Variants in USP16 observed in about 807,000 individuals in gnomAD.
USP16 encodes ubiquitin specific peptidase 16.
USP16 carries 77 observed loss-of-function variants against 95.9 expected under a neutral mutation model. The observed-to-expected ratio is 0.80, with a 90% CI of 0.67 to 0.97. USP16 has a LOEUF of 0.97. USP16 is among the 50% of genes least tolerant of loss of function. The pLI is 0.00. For synonymous variants in USP16, 303 were observed against 318.2 expected, an observed-to-expected ratio of 0.95 and a Z score of 0.51; for missense variants, 943 against 959.9, an observed-to-expected ratio of 0.98 and a Z score of 0.23.
At chr21:29,042,187 AC>A (rs1268322612) in intron 11 of USP16, 83 bp downstream of exon 11, 17 of 1,243,010 alleles carry the variant, frequency 1.4e-5, no homozygotes, top group Non-Finnish European at 1.8e-5. Flanking sequence ...AGAAATCTCT[AC>A]CTTCATAGGA....
Position 29,037,399 on chromosome 21 carries a change from G to A in USP16, c.572G>A (p.Cys191Tyr). Residue 191 changes from cysteine to tyrosine, a missense_variant, in exon 6 of 18, where the codon TGC becomes TAC. Transcript: ENST00000399976. ...GAGAATCCTCCCATGAATTCTCCTT[G>A]CCAAATAACCGTGAAAGGACTCAGT... Reference protein sequence around the residue: ...AKENPPMNSPCQITVKGLSNL... With the variant: ...AKENPPMNSPYQITVKGLSNL... 1 of 1,609,474 alleles carries A rather than the reference G, an allele frequency of 6.2e-7. No individual in the cohort carries two copies. The highest frequency in any genetic ancestry group is 1.1e-5 in the South Asian group (1 of 89,446).
intron 4 of USP16, 34 bp downstream of exon 4, chr21:29,034,974 A>G (rs758242028): frequency 3.2e-6 from 5 of 1,555,864 alleles, no homozygotes; most frequent in Middle Eastern, 1.7e-4. Flanking sequence ...TTGGGTGGAA[A>G]TTATTTGAAA....
At chr21:29,035,540 AT>A (rs562723896) in intron 4 of USP16, among the ~76,000 whole-genome samples, 87 of 151,518 alleles carry the variant, frequency 5.7e-4, no homozygotes, top group African/African-American at 2.1e-3. Flanking sequence ...CGCCCGGCTA[AT>A]TTTTGTATTT....
chr21:29,039,391 G>A lies in USP16; in HGVS notation c.864-90G>A, dbSNP rs2085210745. On this transcript the variant is annotated intron_variant, in intron 8 of 17. Transcript: ENST00000399976. The stretch of plus-strand genomic sequence containing the variant: ...ATTTGTAGAAACCAGAACTCTCTGA[G>A]ATTTGGGATATGATCCTAAGATTTT... The A allele has an allele frequency of 2.1e-6, 3 of 1,398,672 alleles. No homozygotes were observed. The East Asian group carries it at 7.3e-5, about 34-fold the overall frequency. 86.6% of individuals were successfully genotyped at this position (1,398,672 alleles called of 1,614,324 possible).
chr21:29,039,277 C>A, intron 8 of USP16, 121 bp downstream of exon 8: 1 of 1,144,878 alleles, frequency 8.7e-7, no homozygotes, highest in Non-Finnish European at 1.1e-6. Context: ...CCTCTATATA[C>A]AAAAGGCATA....
chr21:29,050,062 A>G (rs1355395095), intron 15 of USP16, 30 bp from the exon 16 acceptor site: 1 of 1,589,272 alleles, frequency 6.3e-7, no homozygotes, highest in Non-Finnish European at 8.6e-7. Flanking sequence ...TTCCAAGAAA[A>G]GAAGTCAATC....
intron 13 of USP16, among the ~76,000 whole-genome samples, chr21:29,045,922 C>T (rs2085314988): frequency 6.6e-6 from 1 of 152,264 alleles, no homozygotes; most frequent in South Asian, 2.1e-4. Context: ...TTTCCTGCCT[C>T]AGCCTCCCGA....
At chr21:29,050,003 T>C in intron 15 of USP16, 89 bp from the exon 16 acceptor site, 1 of 1,108,188 alleles carries the variant, frequency 9.0e-7, no homozygotes, top group African/African-American at 1.6e-5. Context: ...AATGTTGATA[T>C]TCTTTTGGAC....
rs2085079756 is a variant in USP16, at chr21:29,031,718, CG to C, written c.240+946del. ...TCCCTCAAAGTGCTAGGAATACAGGCGTGAGCCACTGCGCCCAGCCAGGATT... is the reference window on the plus strand; with the variant it reads ...TCCCTCAAAGTGCTAGGAATACAGGCTGAGCCACTGCGCCCAGCCAGGATT... On this transcript the variant is annotated intron_variant, in intron 3 of 17. Transcript: ENST00000399976. Among the ~76,000 whole-genome samples the C allele has an allele frequency of 5.9e-5, 9 of 152,322 alleles. No homozygotes were observed. In the South Asian group the frequency reaches 1.9e-3, roughly 32 times the overall value.
At chr21:29,037,579 C>CTTTTTTTTTTTTTTTTTTTTTTTT (rs71189336) in intron 6 of USP16, 116 bp downstream of exon 6, 1 of 171,646 alleles carries the variant, frequency 5.8e-6, no homozygotes, top group African/African-American at 4.9e-5. Flanking sequence ...CCAAAGAAAA[C>CTTTTTTTTTTTTTTTTTTTTTTTT]TTTTTTTTTT....
chr21:29,025,759 C>A (rs1286333072), intron 1 of USP16: 8 of 981,094 alleles, frequency 8.2e-6, no homozygotes, highest in African/African-American at 3.5e-5. Flanking sequence ...TGTAATCATC[C>A]TTTATGCCTC....
chr21:29,026,858 T>C (rs2085000039), intron 1 of USP16, among the ~76,000 whole-genome samples: 1 of 152,142 alleles, frequency 6.6e-6, no homozygotes, highest in Non-Finnish European at 1.5e-5. Context: ...TAGTGGTTTT[T>C]TTTGTTGTTG....
rs142950514 is a variant in USP16, at chr21:29,030,738, C to G, written c.205C>G (p.Pro69Ala). ...AGCTGAAGAAGAAACAGAAGAAAAG[C>G]CTTCAGTTTGGCTGTGTCTTAAATG... ...DKAEEETEEK[P>A]SVWLCLKCGH... is the part of the protein sequence containing the mutation. The change falls in exon 3 of 18, where the codon CCT (proline) becomes GCT (alanine). Residue 69 changes from proline to alanine, a missense_variant. Coordinates refer to ENST00000399976, the MANE Select transcript of USP16 (RefSeq NM_006447.3). 22 of 1,612,478 alleles carry G rather than the reference C, an allele frequency of 1.4e-5. No individual in the cohort carries two copies. Among genetic ancestry groups the G allele is most frequent in the Non-Finnish European group, 1.8e-5 (21 of 1,179,484 alleles).
chr21:29,045,342 A>G (rs1441663392), intron 13 of USP16, among the ~76,000 whole-genome samples: 1 of 152,152 alleles, frequency 6.6e-6, no homozygotes, highest in Non-Finnish European at 1.5e-5. Context: ...TAGGCATTTC[A>G]GTAACAGGAA....
intron 14 of USP16, among the ~76,000 whole-genome samples, chr21:29,048,545 A>T (rs1415046145): frequency 6.6e-6 from 1 of 152,190 alleles, no homozygotes; most frequent in Non-Finnish European, 1.5e-5. Context: ...TTTCATCAGT[A>T]AGAATTTATG....
Position 29,047,100 on chromosome 21 carries a change from A to G in USP16, c.1790A>G (p.Asp597Gly), listed in dbSNP as rs751143299. The change falls in exon 14 of 18, where the codon GAT becomes GGT. Residue 597 changes from aspartate (D) to glycine (G), a missense_variant. Physicochemically the swap from Asp to Gly is moderately conservative, Grantham distance 94. Coordinates refer to ENST00000399976, the MANE Select transcript of USP16 (RefSeq NM_006447.3). ...GAAATAAATATAGAGATTCTGAATGATAGTCATACTCCTGGAACAAAGGTG... is the reference window on the plus strand; with the variant it reads ...GAAATAAATATAGAGATTCTGAATGGTAGTCATACTCCTGGAACAAAGGTG... Reference protein sequence around the residue: ...PDEINIEILNDSHTPGTKVYE... With the variant: ...PDEINIEILNGSHTPGTKVYE... The G allele has an allele frequency of 8.7e-6, 14 of 1,613,976 alleles. No homozygotes were observed. The Admixed American group carries it at 2.0e-4, about 23-fold the overall frequency.
At chr21:29,047,423 A>T in intron 14 of USP16, 102 bp downstream of exon 14, 1 of 1,265,770 alleles carries the variant, frequency 7.9e-7, no homozygotes, top group Non-Finnish European at 1.1e-6. Flanking sequence ...GGATGGCATG[A>T]ATAAGTGTCC....
chr21:29,045,059 G>C (rs970065127), intron 13 of USP16, among the ~76,000 whole-genome samples: 4 of 152,084 alleles, frequency 2.6e-5, no homozygotes, highest in African/African-American at 9.7e-5. Context: ...TATTATCTCA[G>C]TGCAGTTTTA....
intron 13 of USP16, among the ~76,000 whole-genome samples, chr21:29,044,771 CTTTTT>C (rs919312956): frequency 1.1e-4 from 17 of 151,728 alleles, no homozygotes; most frequent in African/African-American, 4.1e-4. Flanking sequence ...TTCTTTCTTT[CTTTTT>C]TTTAACAGTT....
Sources: gnomAD v4.1 joint callset for allele counts (sites outside exome capture counted in the v4.1 genomes callset) on GRCh38, gnomAD v4.1.1 for gene constraint, MANE v1.5 for transcripts, NCBI Gene and HGNC (gene_info 2026-07-23, HGNC 2026-07-21) for gene names.